The following LIMS1 variants were observed in gnomAD, a reference collection of about 807,000 sequenced individuals.
LIMS1 encodes LIM and senescent cell antigen-like-containing domain protein 1.
In LIMS1, 18 loss-of-function variants were observed where a neutral mutation model predicts 44.1. That is an observed-to-expected ratio of 0.41 (90% confidence interval 0.28 to 0.61). The LOEUF (loss-of-function observed/expected upper bound fraction) is 0.61, where lower values mean the gene tolerates loss of function less well. LIMS1 is among the 20% of genes least tolerant of loss of function. The probability of loss-of-function intolerance (pLI) is 0.32; values close to 1 mark genes in which losing one functional copy is unlikely to be tolerated. For synonymous variants in LIMS1, 93 were observed against 149.1 expected (o/e 0.62, Z 2.74); for missense variants, 201 against 422.0 (o/e 0.48, Z 4.59).
At chr2:108,569,866 G>T (rs1685427926) in intron 1 of LIMS1, among the ~76,000 whole-genome samples, 1 of 149,496 alleles carries the variant, frequency 6.7e-6, no homozygotes, top group African/African-American at 2.5e-5. Flanking sequence ...CTCCCAAAGT[G>T]CTGGGATTAC....
chr2:108,647,248 T>C (rs988603620), intron 1 of LIMS1, among the ~76,000 whole-genome samples: 2 of 152,050 alleles, frequency 1.3e-5, no homozygotes, highest in Non-Finnish European at 2.9e-5. Flanking sequence ...ATGTACACCC[T>C]CCCAAGACTA....
chr2:108,558,859 C>A (rs945458943), intron 1 of LIMS1, among the ~76,000 whole-genome samples: 1 of 151,548 alleles, frequency 6.6e-6, no homozygotes, highest in Admixed American at 6.6e-5. Flanking sequence ...TTGGTAGAGA[C>A]GGGGTTTCAC....
At chr2:108,570,599 A>T (rs1366359517) in intron 1 of LIMS1, among the ~76,000 whole-genome samples, 1 of 152,146 alleles carries the variant, frequency 6.6e-6, no homozygotes, top group African/African-American at 2.4e-5. Flanking sequence ...AACAGAAGAT[A>T]AAAAAAGCTG....
chr2:108,560,392 C>G (rs1029439919), intron 1 of LIMS1, among the ~76,000 whole-genome samples: 1 of 152,050 alleles, frequency 6.6e-6, no homozygotes, highest in Non-Finnish European at 1.5e-5. Context: ...CCCTGCTGCC[C>G]TCTGATCTCA....
At chr2:108,552,472 ATAG>A (rs985488123) in intron 1 of LIMS1, among the ~76,000 whole-genome samples, 1 of 146,422 alleles carries the variant, frequency 6.8e-6, no homozygotes, top group Non-Finnish European at 1.5e-5. Flanking sequence ...TTAATATATA[ATAG>A]TAATACATTA....
chr2:108,580,846 A>G (rs1685858179), intron 1 of LIMS1, among the ~76,000 whole-genome samples: 1 of 152,190 alleles, frequency 6.6e-6, no homozygotes, highest in Non-Finnish European at 1.5e-5. Flanking sequence ...GTTATGAAGT[A>G]ATAAGTTGGA....
chr2:108,612,906 G>A (rs897606089), intron 1 of LIMS1, among the ~76,000 whole-genome samples: 1 of 152,164 alleles, frequency 6.6e-6, no homozygotes, highest in Non-Finnish European at 1.5e-5. Flanking sequence ...AGTGTTGAGA[G>A]GCAGTGCTAG....
At chr2:108,585,822 T>C (rs1686078444) in intron 1 of LIMS1, among the ~76,000 whole-genome samples, 1 of 152,192 alleles carries the variant, frequency 6.6e-6, no homozygotes, top group African/African-American at 2.4e-5. Context: ...ATTTGGCTTT[T>C]AAGAGCTGTG....
intron 1 of LIMS1, among the ~76,000 whole-genome samples, chr2:108,596,914 T>TGG (rs1491251026): frequency 1.6e-5 from 2 of 121,296 alleles, no homozygotes; most frequent in African/African-American, 6.0e-5. Context: ...ACGAAACATC[T>TGG]GTTTTTTTTT....
intron 1 of LIMS1, among the ~76,000 whole-genome samples, chr2:108,603,278 T>C (rs978622017): frequency 1.3e-5 from 2 of 152,148 alleles, no homozygotes; most frequent in Non-Finnish European, 2.9e-5. Flanking sequence ...TTTTCTTTAC[T>C]GGGAGACTTT....
At chr2:108,586,345 C>G (rs182338013) in intron 1 of LIMS1, among the ~76,000 whole-genome samples, 3 of 152,128 alleles carry the variant, frequency 2.0e-5, no homozygotes, top group African/African-American at 7.2e-5. Flanking sequence ...GGAAAGAGCC[C>G]AAAAAGAAGG....
In LIMS1 at chr2:108,671,763, C is replaced by A. The variant is rs147654997; in HGVS notation, c.260-562C>A. On this transcript the variant is annotated intron_variant, in intron 3 of 9. Coordinates refer to ENST00000544547, the Ensembl canonical transcript of LIMS1. ...AAGAGAGCCTAGTAGCTCGTTTGGA[C>A]AGGAAAGCTAGATTCAGAGATGACA... Among the ~76,000 whole-genome samples, 810 of 152,246 alleles carry A rather than the reference C, an allele frequency of 5.3e-3. 8 individuals carry two copies. Among genetic ancestry groups the A allele is most frequent in the African/African-American group, 0.015 (629 of 41,524 alleles).
At chr2:108,638,361 C>T (rs910744434) in intron 1 of LIMS1, among the ~76,000 whole-genome samples, 1 of 152,168 alleles carries the variant, frequency 6.6e-6, no homozygotes, top group Non-Finnish European at 1.5e-5. Context: ...CTTTAGATGC[C>T]CTCTGCAGGC....
intron 1 of LIMS1, among the ~76,000 whole-genome samples, chr2:108,650,861 T>TATTC (rs55825801): frequency 0.021 from 3,103 of 151,318 alleles, 59 homozygotes; most frequent in African/African-American, 0.046. Context: ...TTTATTTATT[T>TATTC]ATTCATTCAT....
chr2:108,640,591 T>A (rs1689606138), intron 1 of LIMS1, among the ~76,000 whole-genome samples: 1 of 152,176 alleles, frequency 6.6e-6, no homozygotes, highest in Admixed American at 6.5e-5. Flanking sequence ...GCCACTCTCT[T>A]TTGCCTGTGG....
exon 10 of LIMS1, chr2:108,684,033 G>A (rs1157229633): frequency 2.7e-6 from 3 of 1,108,824 alleles, no homozygotes; most frequent in South Asian, 2.7e-5. Context: ...TGCAAGATAA[G>A]AGATTACCAA....
intron 1 of LIMS1, among the ~76,000 whole-genome samples, chr2:108,603,921 T>A (rs1204000009): frequency 6.6e-6 from 1 of 152,212 alleles, no homozygotes; most frequent in Non-Finnish European, 1.5e-5. Context: ...AGATGCATTG[T>A]TAGGTTATTT....
intron 1 of LIMS1, among the ~76,000 whole-genome samples, chr2:108,633,093 G>A (rs144145579): frequency 7.9e-5 from 12 of 152,266 alleles, no homozygotes; most frequent in African/African-American, 2.6e-4. Flanking sequence ...TCATCATGAC[G>A]GCAGTGGAAG....
intron 2 of LIMS1, among the ~76,000 whole-genome samples, chr2:108,661,990 A>C (rs976953422): frequency 6.6e-6 from 1 of 152,172 alleles, no homozygotes; most frequent in Non-Finnish European, 1.5e-5. Flanking sequence ...ATCTAATACA[A>C]TATTCTTTCC....
Sources: gnomAD v4.1 joint callset for allele counts (sites outside exome capture counted in the v4.1 genomes callset) on GRCh38, gnomAD v4.1.1 for gene constraint, MANE v1.5 for transcripts, NCBI Gene and HGNC (gene_info 2026-07-23, HGNC 2026-07-21) for gene names.